MIDN: variants seen among roughly 807,000 people sequenced by gnomAD.
MIDN encodes midbrain nucleolar protein.
In MIDN, 26 loss-of-function variants were observed where a neutral mutation model predicts 46.1. The ratio of observed to expected loss-of-function variants is 0.56; its 90% confidence interval spans 0.41 to 0.78. The LOEUF (loss-of-function observed/expected upper bound fraction) is 0.78, where lower values mean the gene tolerates loss of function less well. Ranked by LOEUF, MIDN falls within the 30% of genes least tolerant of loss-of-function variation. The pLI is 0.00. For missense variants in MIDN, 850 were observed against 771.8 expected (o/e 1.10, Z -1.20); for synonymous variants, 432 against 343.3 (o/e 1.26, Z -2.86).
At position 1,257,285 on chromosome 19, in the gene MIDN, G is replaced by A. The variant is rs747594530; in HGVS notation, c.*13G>A. On this transcript the variant is annotated 3_prime_UTR_variant, in exon 9 of 9. Coordinates refer to ENST00000682408, the MANE Select transcript of MIDN (RefSeq NM_001388306.1). Reference sequence around the variant, plus strand: ...CGTGGTGGCTTAGGATCTTCGGATCGGCCACCCTCGCCCCTCGCACCCCAG... The same window carrying A: ...CGTGGTGGCTTAGGATCTTCGGATCAGCCACCCTCGCCCCTCGCACCCCAG... The A allele has an allele frequency of 4.4e-6, 7 of 1,609,158 alleles. No homozygotes were observed. The highest frequency in any genetic ancestry group is 3.3e-5 in the Admixed American group (2 of 59,902).
intron 4 of MIDN, 28 bp from the exon 5 acceptor site, chr19:1,253,926 C>G (rs1044737883): frequency 7.3e-7 from 1 of 1,374,906 alleles, no homozygotes; most frequent in African/African-American, 1.5e-5. Flanking sequence ...GGGGCAGGCC[C>G]CCGTCTGACC....
chr19:1,250,754 C>T (rs1377882228), intron 2 of MIDN, among the ~76,000 whole-genome samples: 1 of 151,630 alleles, frequency 6.6e-6, no homozygotes, highest in Non-Finnish European at 1.5e-5. Context: ...CGGGCTTCGG[C>T]GGCCCCCCTT....
Position 1,253,975 on chromosome 19 carries a change from G to T in MIDN, c.406G>T (p.Gly136Cys). Reference protein sequence around the residue: ...ETQPPAAPGPGRAGGGGFRKY... With the variant: ...ETQPPAAPGPCRAGGGGFRKY... ...ACAGCCCCCAGCGGCGCCCGGGCCG[G>T]GCCGGGCTGGCGGAGGAGGCTTCCG... Residue 136 changes from glycine to cysteine, a missense_variant, in exon 5 of 9, where the codon GGC becomes TGC. By Grantham distance (159) the Gly-to-Cys change is radical (BLOSUM62 -3). Coordinates refer to ENST00000682408, the MANE Select transcript of MIDN (RefSeq NM_001388306.1). 1 of 1,394,894 alleles carries T rather than the reference G, an allele frequency of 7.2e-7. No homozygotes were observed. The highest frequency in any genetic ancestry group is 3.4e-5 in the Admixed American group (1 of 29,462). The allele number at this position is 1,394,894 out of a possible 1,614,324, so 86.4% of individuals were successfully genotyped here.
chr19:1,252,412 C>G (rs1008710002), intron 4 of MIDN, among the ~76,000 whole-genome samples: 1 of 127,986 alleles, frequency 7.8e-6, no homozygotes, highest in Non-Finnish European at 1.8e-5. Context: ...TTCTCTACCC[C>G]GAAAGGGGAG....
rs1221286491 is a variant in MIDN, at chr19:1,251,845, G to A, written c.328G>A (p.Ala110Thr). The change falls in exon 4 of 9, where the codon GCC (alanine) becomes ACC (threonine). Residue 110 changes from alanine to threonine, a missense_variant. Coordinates refer to ENST00000682408, the MANE Select transcript of MIDN (RefSeq NM_001388306.1). Reference protein sequence around the residue: ...PTVEAGLMSQASRPEQSVMQA... With the variant: ...PTVEAGLMSQTSRPEQSVMQA... Reference sequence around the variant, plus strand: ...CTCCTCCCTCTCTTTGTAGTCTCAGGCCTCAAGGCCGGAACAGTCCGTGAT... The same window carrying A: ...CTCCTCCCTCTCTTTGTAGTCTCAGACCTCAAGGCCGGAACAGTCCGTGAT... 3 of 1,613,258 alleles carry A rather than the reference G, an allele frequency of 1.9e-6. No individual in the cohort carries two copies. The highest frequency in any genetic ancestry group is 1.7e-4 in the Middle Eastern group (1 of 6,054).
At chr19:1,253,317 G>C (rs948185990) in intron 4 of MIDN, among the ~76,000 whole-genome samples, 3 of 152,066 alleles carry the variant, frequency 2.0e-5, no homozygotes, top group Non-Finnish European at 4.4e-5. Context: ...AGCAGAGAAG[G>C]TTACGCCAGC....
intron 5 of MIDN, 32 bp downstream of exon 5, chr19:1,254,114 G>A: frequency 6.4e-7 from 1 of 1,553,704 alleles, no homozygotes; most frequent in South Asian, 1.2e-5. Context: ...GCCGGGCTGG[G>A]CTGGGGGCGC....
chr19:1,255,256 C>T (rs1161557057), intron 7 of MIDN, among the ~76,000 whole-genome samples, 166 bp from the exon 8 acceptor site: 2 of 152,142 alleles, frequency 1.3e-5, no homozygotes, highest in African/African-American at 2.4e-5. Flanking sequence ...TCACCAGGCG[C>T]CTGCATACTG....
chr19:1,250,455 G>T lies in MIDN; in HGVS notation c.159G>T (p.Val53=). 7.2e-7 allele frequency: 1 copy of T among 1,391,316 alleles called. No homozygotes were observed. The allele number at this position is 1,391,316 out of a possible 1,614,324, so 86.2% of individuals were successfully genotyped here. The change falls in exon 2 of 9, where the codon GTG becomes GTT. Residue 53 remains valine (V), a synonymous_variant. Coordinates refer to ENST00000682408, the MANE Select transcript of MIDN (RefSeq NM_001388306.1). ...YDLAVPPDET[V]EGLRKRLSQR... is the part of the protein sequence containing the mutation. The stretch of plus-strand genomic sequence containing the variant: ...TGGCCGTGCCGCCCGACGAGACGGT[G>T]GAGGGGCTGCGCAAGCGGTTGTCCC...
rs1418401940 is a variant in MIDN, at chr19:1,257,149, C to G, written c.1413C>G (p.Asp471Glu). The G allele has an allele frequency of 1.2e-6, 2 of 1,611,338 alleles. No individual in the cohort carries two copies. The highest frequency in any genetic ancestry group is 2.7e-5 in the African/African-American group (2 of 74,914). Residue 471 changes from aspartate (D) to glutamate (E), a missense_variant, in exon 9 of 9, where the codon GAC becomes GAG. Coordinates refer to ENST00000682408, the MANE Select transcript of MIDN (RefSeq NM_001388306.1). ...CCAGCCGCAAGGCCGGCCGCAGCGA[C>G]AGCAGTAGCAGCGGGGGCGGCGGCA... is the stretch of plus-strand genomic sequence containing the variant. ...WSPSRKAGRS[D>E]SSSSGGGGSP...
In MIDN at chr19:1,255,513, C is replaced by G; in HGVS notation, c.1077C>G (p.Ala359=). The G allele has an allele frequency of 6.2e-7, 1 of 1,611,888 alleles. No homozygotes were observed. Among genetic ancestry groups the G allele is most frequent in the Non-Finnish European group, 8.5e-7 (1 of 1,179,546 alleles). ...ILQILNDLLS[A]TRHYQGMPPS... ...AGATCCTGAACGACCTCCTGAGCGC[C>G]ACCCGGCACTACCAGGGCATGCCCC... is the stretch of plus-strand genomic sequence containing the variant. The change falls in exon 8 of 9, where the codon GCC becomes GCG. Residue 359 remains alanine, a synonymous_variant. Coordinates refer to ENST00000682408, the MANE Select transcript of MIDN (RefSeq NM_001388306.1).
At chr19:1,256,516 A>G (rs2081201302) in intron 8 of MIDN, among the ~76,000 whole-genome samples, 1 of 148,420 alleles carries the variant, frequency 6.7e-6, no homozygotes, top group Non-Finnish European at 1.5e-5. Flanking sequence ...TACAACCCCC[A>G]AGTATCTCCC....
At chr19:1,250,728 C>A (rs569061317) in intron 2 of MIDN, among the ~76,000 whole-genome samples, 199 bp downstream of exon 2, 1 of 151,404 alleles carries the variant, frequency 6.6e-6, no homozygotes, top group South Asian at 2.1e-4. Context: ...AAGGCGGCTG[C>A]GAGGGCGTCC....
At chr19:1,253,385 C>G (rs553231340) in intron 4 of MIDN, among the ~76,000 whole-genome samples, 59 of 151,882 alleles carry the variant, frequency 3.9e-4, no homozygotes, top group African/African-American at 1.3e-3. Context: ...GGTTCTGAGT[C>G]ATCCCAGCCT....
chr19:1,255,118 G>C, intron 7 of MIDN, 57 bp downstream of exon 7: 4 of 1,569,534 alleles, frequency 2.5e-6, no homozygotes, highest in Non-Finnish European at 3.5e-6. Flanking sequence ...TGTGCATTTG[G>C]GGTCTACATC....
At position 1,257,599 on chromosome 19, in the gene MIDN, A is replaced by G. The variant is rs376456234; in HGVS notation, c.*327A>G. 91 of 306,216 alleles carry G rather than the reference A, an allele frequency of 3.0e-4. 1 individual carries two copies. The East Asian group carries it at 5.5e-3, about 18-fold the overall frequency. 19.0% of individuals were successfully genotyped at this position (306,216 alleles called of 1,614,324 possible). On this transcript the variant is annotated 3_prime_UTR_variant, in exon 9 of 9. Transcript: ENST00000682408. ...TCCCTGCCAACCTTCCCCAGCTCCAATATGTAGCAGTCTCTCTGGATGGCG... is the reference window on the plus strand; with the variant it reads ...TCCCTGCCAACCTTCCCCAGCTCCAGTATGTAGCAGTCTCTCTGGATGGCG...
chr19:1,253,432 C>A (rs867372223), intron 4 of MIDN, among the ~76,000 whole-genome samples: 33 of 146,448 alleles, frequency 2.3e-4, no homozygotes, highest in African/African-American at 5.6e-4. Flanking sequence ...CCCCCCCCCC[C>A]ATCCCGGCCA....
chr19:1,251,857 G>T lies in MIDN; in HGVS notation c.340G>T (p.Glu114Ter). Residue 114 changes from glutamate to a stop codon, truncating the protein, a stop_gained, in exon 4 of 9, where the codon GAA (glutamate) becomes TAA (stop). Transcript: ENST00000682408. LOFTEE classifies it high-confidence loss of function. Reference sequence around the variant, plus strand: ...TTTGTAGTCTCAGGCCTCAAGGCCGGAACAGTCCGTGATGCAAGCTCTCGA... The same window carrying T: ...TTTGTAGTCTCAGGCCTCAAGGCCGTAACAGTCCGTGATGCAAGCTCTCGA... ...AGLMSQASRP[E>*]QSVMQALESL... 6.2e-7 allele frequency: 1 copy of T among 1,613,592 alleles called. No homozygotes were observed.
rs148123521 is a variant in MIDN, at chr19:1,255,521, A to G, written c.1085A>G (p.His362Arg). The change falls in exon 8 of 9, where the codon CAC becomes CGC. Residue 362 changes from histidine to arginine, a missense_variant. Coordinates refer to ENST00000682408, the MANE Select transcript of MIDN (RefSeq NM_001388306.1). ...AACGACCTCCTGAGCGCCACCCGGC[A>G]CTACCAGGGCATGCCCCCTTCGCTG... ...ILNDLLSATRHYQGMPPSLAQ... is the reference protein window; with the variant it reads ...ILNDLLSATRRYQGMPPSLAQ... The G allele has an allele frequency of 2.5e-5, 41 of 1,612,038 alleles. No individual in the cohort carries two copies. The African/African-American group carries it at 4.3e-4, about 17-fold the overall frequency.
Sources: gnomAD v4.1 joint callset for allele counts (sites outside exome capture counted in the v4.1 genomes callset) on GRCh38, gnomAD v4.1.1 for gene constraint, MANE v1.5 for transcripts, NCBI Gene and HGNC (gene_info 2026-07-23, HGNC 2026-07-21) for gene names.